The following DNAAF5 variants were observed in gnomAD, a reference collection of about 807,000 sequenced individuals.
The protein encoded by DNAAF5 is HEAT repeat containing 2.
In DNAAF5, 64 loss-of-function variants were observed where a neutral mutation model predicts 75.8. The observed-to-expected ratio is 0.84, with a 90% CI of 0.69 to 1.04. DNAAF5 has a LOEUF of 1.04. Ranked by LOEUF, DNAAF5 falls within the 50% of genes least tolerant of loss-of-function variation. The pLI, the probability that DNAAF5 is intolerant of heterozygous loss-of-function variation, is 0.00. For synonymous variants in DNAAF5, 657 were observed against 557.2 expected, an observed-to-expected ratio of 1.18 and a Z score of -2.52; for missense variants, 1,269 against 1,178.5, an observed-to-expected ratio of 1.08 and a Z score of -1.12.
chr7:779,452 T>C (rs1778866237), intron 11 of DNAAF5, among the ~76,000 whole-genome samples: 2 of 152,230 alleles, frequency 1.3e-5, no homozygotes, highest in Admixed American at 1.3e-4. Flanking sequence ...ATTAACCTCA[T>C]AAGTTTCTAC....
chr7:732,629 T>C (rs1434313132), intron 2 of DNAAF5: 2 of 456,128 alleles, frequency 4.4e-6, no homozygotes, highest in Non-Finnish European at 8.8e-6. Flanking sequence ...GTTTGCCATT[T>C]GTATGCCTTC....
chr7:779,248 C>T (rs1417505565), intron 11 of DNAAF5, among the ~76,000 whole-genome samples: 5 of 152,082 alleles, frequency 3.3e-5, no homozygotes, highest in African/African-American at 9.7e-5. Context: ...CGCGGGCAGC[C>T]GCCCCTCCCA....
intron 12 of DNAAF5, among the ~76,000 whole-genome samples, chr7:784,645 C>T (rs1779092357): frequency 6.6e-6 from 1 of 152,208 alleles, no homozygotes; most frequent in Non-Finnish European, 1.5e-5. Context: ...GCCACTGCTT[C>T]CCGATGAACC....
At position 779,957 on chromosome 7, in the gene DNAAF5, C is replaced by G; in HGVS notation, c.2244C>G (p.Leu748=). Residue 748 remains leucine, a synonymous_variant, in exon 12 of 13, where the codon CTC becomes CTG. Transcript: ENST00000297440. ...TGTCTCGCTCCCTCCTTCCAGAACT[C>G]TTAAAACGCCTAGATGACGTGTCCA... ...PEKLIRIYPE[L]LKRLDDVSND... is the part of the protein sequence containing the mutation. 2 of 1,614,072 alleles carry G rather than the reference C, an allele frequency of 1.2e-6. No homozygotes were observed. Among genetic ancestry groups the G allele is most frequent in the Non-Finnish European group, 8.5e-7 (1 of 1,179,950 alleles).
intron 2 of DNAAF5, among the ~76,000 whole-genome samples, chr7:739,642 A>G (rs1020600562): frequency 3.3e-5 from 5 of 152,178 alleles, no homozygotes; most frequent in African/African-American, 4.8e-5. Flanking sequence ...AGTCAGGCGC[A>G]ACGGGCCTCT....
At chr7:744,210 A>C (rs1782011105) in intron 4 of DNAAF5, among the ~76,000 whole-genome samples, 1 of 152,054 alleles carries the variant, frequency 6.6e-6, no homozygotes, top group East Asian at 1.9e-4. Context: ...TGTTCTTGCG[A>C]TAGTTTACTG....
intron 4 of DNAAF5, among the ~76,000 whole-genome samples, chr7:746,907 C>T (rs1316236205): frequency 1.3e-5 from 2 of 152,186 alleles, no homozygotes; most frequent in Non-Finnish European, 2.9e-5. Flanking sequence ...GTTGTGGGAG[C>T]GTGGCCGCTG....
intron 11 of DNAAF5, 77 bp downstream of exon 11, chr7:775,239 G>A: frequency 7.4e-7 from 1 of 1,349,320 alleles, no homozygotes; most frequent in Non-Finnish European, 1.1e-6. Flanking sequence ...TTGCATCCAT[G>A]GAGTCACCCA....
At chr7:753,419 AC>A (rs1782368683) in intron 4 of DNAAF5, among the ~76,000 whole-genome samples, 1 of 152,358 alleles carries the variant, frequency 6.6e-6, no homozygotes, top group Admixed American at 6.5e-5. Context: ...CAGCTCAGTC[AC>A]GGGACAGATC....
intron 8 of DNAAF5, among the ~76,000 whole-genome samples, chr7:770,211 C>T (rs1210009287): frequency 6.6e-6 from 1 of 152,228 alleles, no homozygotes; most frequent in Non-Finnish European, 1.5e-5. Context: ...CTTGGCCTCC[C>T]AAAGTGCTGG....
At position 753,996 on chromosome 7, in the gene DNAAF5, GTCTC is replaced by G. The variant is rs564508335; in HGVS notation, c.1025-589_1025-586del. 2.2e-5 allele frequency among the ~76,000 whole-genome samples: 3 copies of G among 138,916 alleles called. No homozygotes were observed. In the South Asian group the frequency reaches 7.0e-4, roughly 32 times the overall value. The allele number at this position is 138,916 out of a possible 152,430, so 91.1% of individuals were successfully genotyped here. On this transcript the variant is annotated intron_variant, in intron 4 of 12. Transcript: ENST00000297440. ...TATGGCGATGGCTTCGCAGGCGTGT[GTCTC>G]TCTGATCATAGGGGGACGGCTTCGC...
chr7:770,546 A>G lies in DNAAF5; in HGVS notation c.1859A>G (p.Gln620Arg). Residue 620 changes from glutamine to arginine, a missense_variant, in exon 9 of 13, where the codon CAG (glutamine) becomes CGG (arginine). Transcript: ENST00000297440. ...RACLQPSQDP[Q>R]MRLKLFSILS... ...TGTCTGCAGCCCTCCCAAGACCCGC[A>G]GATGCGCCTGAAGCTGTTCTCCATC... is the stretch of plus-strand genomic sequence containing the variant. The G allele has an allele frequency of 2.5e-6, 4 of 1,613,942 alleles. No homozygotes were observed. Among genetic ancestry groups the G allele is most frequent in the Non-Finnish European group, 3.4e-6 (4 of 1,179,994 alleles).
At chr7:758,973 G>A (rs754979557) in intron 6 of DNAAF5, among the ~76,000 whole-genome samples, 1 of 152,122 alleles carries the variant, frequency 6.6e-6, no homozygotes, top group Non-Finnish European at 1.5e-5. Context: ...GTGAGCCACC[G>A]CACCTGGCCC....
intron 2 of DNAAF5, among the ~76,000 whole-genome samples, chr7:736,115 C>T (rs890778442): frequency 2.0e-5 from 3 of 152,148 alleles, no homozygotes; most frequent in Non-Finnish European, 4.4e-5. Flanking sequence ...AGGCTTGTTT[C>T]GTGGCCTAAC....
At chr7:753,942 AC>A (rs1782398490) in intron 4 of DNAAF5, among the ~76,000 whole-genome samples, 1 of 130,934 alleles carries the variant, frequency 7.6e-6, no homozygotes, top group Non-Finnish European at 1.6e-5. Context: ...TCATATGGGG[AC>A]GGCTTCGCAG....
In DNAAF5 at chr7:729,750, T is replaced by C; in HGVS notation, c.683T>C (p.Ile228Thr). 1.9e-6 allele frequency: 3 copies of C among 1,614,180 alleles called. No homozygotes were observed. Among genetic ancestry groups the C allele is most frequent in the South Asian group, 2.2e-5 (2 of 91,082 alleles). The change falls in exon 2 of 13, where the codon ATT becomes ACT. Residue 228 changes from isoleucine (I) to threonine (T), a missense_variant. Physicochemically the swap from Ile to Thr is moderately conservative, Grantham distance 89 (BLOSUM62 -1). Coordinates refer to ENST00000297440, the MANE Select transcript of DNAAF5 (RefSeq NM_017802.4). ...HQHWKVRVAA[I>T]EATGAVIHFG... ...CACTGGAAGGTCCGTGTGGCCGCCA[T>C]TGAAGCCACAGGCGCAGTGATCCAT...
At chr7:780,193 C>T in intron 12 of DNAAF5, 49 bp downstream of exon 12, 1 of 1,551,228 alleles carries the variant, frequency 6.4e-7, no homozygotes, top group East Asian at 2.3e-5. Flanking sequence ...CTTTCGGCGC[C>T]TGCCACGGGC....
chr7:767,938 G>C (rs564101040), intron 8 of DNAAF5, among the ~76,000 whole-genome samples: 49 of 150,596 alleles, frequency 3.3e-4, no homozygotes, highest in African/African-American at 1.1e-3. Flanking sequence ...GGGCGGACAC[G>C]TGGCTCCGGG....
intron 2 of DNAAF5, among the ~76,000 whole-genome samples, chr7:732,085 C>T (rs1042705282): frequency 2.0e-5 from 3 of 152,258 alleles, no homozygotes; most frequent in African/African-American, 7.2e-5. Flanking sequence ...CTCCTCCTTA[C>T]AAGGCTCAGA....
Sources: gnomAD v4.1 joint callset for allele counts (sites outside exome capture counted in the v4.1 genomes callset) on GRCh38, gnomAD v4.1.1 for gene constraint, MANE v1.5 for transcripts, NCBI Gene and HGNC (gene_info 2026-07-23, HGNC 2026-07-21) for gene names.